DPH6: variants seen among roughly 807,000 people sequenced by gnomAD.
DPH6 encodes the protein diphthine--ammonia ligase.
A neutral mutation model predicts 38.2 loss-of-function variants in DPH6; 33 were observed. The observed-to-expected ratio is 0.86, with a 90% CI of 0.65 to 1.15. The LOEUF is 1.15. DPH6 is among the 50% of genes most tolerant of loss of function. The pLI is 0.00. For missense variants in DPH6, 325 were observed against 320.0 expected (o/e 1.02, Z -0.12); for synonymous variants, 108 against 103.0 (o/e 1.05, Z -0.30).
chr15:35,149,065 C>T, the DPH6 span, among the ~76,000 whole-genome samples: 1 of 152,088 alleles, frequency 6.6e-6, no homozygotes, highest in Non-Finnish European at 1.5e-5. Context: ...TCTAACATCT[C>T]CATCCCCCTT....
chr15:35,313,034 C>T (rs1029473485), intron 3 of DPH6, among the ~76,000 whole-genome samples: 19 of 151,966 alleles, frequency 1.3e-4, no homozygotes, highest in African/African-American at 4.6e-4. Flanking sequence ...TTGAGATCAG[C>T]CTGGACAACA....
rs150905864 is a variant in DPH6, at chr15:35,378,862, A to T, written c.662+2960T>A. On this transcript the variant is annotated intron_variant, in intron 7 of 8. Transcript: ENST00000256538. ...TGGGGGAAGCATAACATTAGGAGAA[A>T]TACCTAATGTAGGTTATGGGTTGAT... Among the ~76,000 whole-genome samples, 446 of 152,200 alleles carry T rather than the reference A, an allele frequency of 2.9e-3. 1 individual carries two copies. The highest frequency in any genetic ancestry group is 9.9e-3 in the African/African-American group (410 of 41,512).
intron 5 of DPH6, among the ~76,000 whole-genome samples, chr15:35,424,321 T>C (rs1368740146): frequency 2.6e-5 from 4 of 151,676 alleles, no homozygotes; most frequent in Admixed American, 2.0e-4. Flanking sequence ...CTTGTCGCTA[T>C]TGTGAATGTG....
At chr15:35,328,547 G>A (rs376573580), downstream of DPH6, among the ~76,000 whole-genome samples, 10 of 152,062 alleles carry the variant, frequency 6.6e-5, no homozygotes, top group Non-Finnish European at 1.5e-5. Context: ...ACTGGATATG[G>A]CTGACCAAAA....
chr15:35,355,672 T>C (rs1337094466), intron 3 of DPH6, among the ~76,000 whole-genome samples: 2 of 152,270 alleles, frequency 1.3e-5, no homozygotes, highest in East Asian at 3.9e-4. Flanking sequence ...CTGATGCACT[T>C]CCCCTTGTGG....
At chr15:35,521,984 G>A (rs931399329) in intron 3 of DPH6, 51 of 1,466,218 alleles carry the variant, frequency 3.5e-5, no homozygotes, top group Non-Finnish European at 2.5e-5. Flanking sequence ...AAACTAAGCC[G>A]TCAACTACCA....
chr15:35,194,260 C>T, the DPH6 span, among the ~76,000 whole-genome samples: 2 of 151,894 alleles, frequency 1.3e-5, no homozygotes, highest in African/African-American at 4.8e-5. Flanking sequence ...TTCCTGACAT[C>T]GGTGCTTTAA....
intron 3 of DPH6, among the ~76,000 whole-genome samples, chr15:35,347,028 T>G (rs888140539): frequency 6.6e-6 from 1 of 152,134 alleles, no homozygotes; most frequent in African/African-American, 2.4e-5. Context: ...ATTTACAATC[T>G]TGAGTATTTT....
downstream of DPH6, among the ~76,000 whole-genome samples, chr15:35,327,834 C>T (rs187486612): frequency 1.7e-3 from 254 of 152,222 alleles, 1 homozygote; most frequent in African/African-American, 5.7e-3. Context: ...TTTTGAGTAA[C>T]TTTAGAGTGA....
chr15:35,442,642 T>C (rs1208799276), intron 5 of DPH6, among the ~76,000 whole-genome samples: 2 of 152,198 alleles, frequency 1.3e-5, no homozygotes, highest in Non-Finnish European at 2.9e-5. Flanking sequence ...CATGGACTGA[T>C]GAATGGCTAA....
chr15:35,195,125 A>C, the DPH6 span, among the ~76,000 whole-genome samples: 7 of 152,112 alleles, frequency 4.6e-5, no homozygotes, highest in Non-Finnish European at 1.0e-4. Context: ...ATCCTCAGGG[A>C]ATCCATTTTT....
Position 35,258,246 on chromosome 15 carries a change from T to C in DPH6, n.201-37664A>G, listed in dbSNP as rs553509356. ...TGTGAGAGGTAGGATTGGGGTCATA[T>C]TACAGCACAAGGAATAGCCTAGAAC... is the stretch of plus-strand genomic sequence containing the variant. On this transcript the variant is annotated intron_variant and non_coding_transcript_variant, in intron 3 of 3. Transcript: ENST00000560386. 7.9e-5 allele frequency among the ~76,000 whole-genome samples: 12 copies of C among 152,288 alleles called. No homozygotes were observed. In the South Asian group the frequency reaches 2.5e-3, roughly 32 times the overall value.
At chr15:35,522,112 A>G (rs779188443) in intron 3 of DPH6, 12 of 1,612,814 alleles carry the variant, frequency 7.4e-6, no homozygotes, top group Admixed American at 3.3e-5. Flanking sequence ...ACATTTTGCA[A>G]TCTCACTGAT....
chr15:35,361,345 C>T (rs2052612383), intron 3 of DPH6, among the ~76,000 whole-genome samples: 1 of 152,156 alleles, frequency 6.6e-6, no homozygotes, highest in South Asian at 2.1e-4. Context: ...CCTCATTTTC[C>T]ACCATCTTGC....
At chr15:35,303,459 A>C (rs1715811606) in intron 3 of DPH6, among the ~76,000 whole-genome samples, 1 of 151,972 alleles carries the variant, frequency 6.6e-6, no homozygotes, top group Non-Finnish European at 1.5e-5. Flanking sequence ...GTAATTAGGA[A>C]ACCAAGATTC....
intron 5 of DPH6, among the ~76,000 whole-genome samples, chr15:35,436,701 G>GT (rs552139967): frequency 3.0e-4 from 45 of 149,628 alleles, no homozygotes; most frequent in African/African-American, 8.3e-4. Flanking sequence ...TTGCATTTAA[G>GT]TTTTTTTTGT....
chr15:35,454,921 C>T, intron 3 of DPH6, 101 bp from the exon 4 acceptor site: 1 of 816,586 alleles, frequency 1.2e-6, no homozygotes. Context: ...ATCTAGAAAA[C>T]TACCTCAAAC....
chr15:35,442,574 C>G (rs2053801912), intron 5 of DPH6, among the ~76,000 whole-genome samples: 1 of 152,008 alleles, frequency 6.6e-6, no homozygotes, highest in African/African-American at 2.4e-5. Flanking sequence ...AACTTGTACA[C>G]AAATGTTCAT....
the DPH6 span, among the ~76,000 whole-genome samples, chr15:35,210,946 CTTTTTTTTTTTTTTTT>C: frequency 1.7e-3 from 103 of 61,586 alleles, 3 homozygotes; most frequent in Admixed American, 0.011. Context: ...AGATAGATCA[CTTTTTTTTTTTTTTTT>C]TTTTTTTTTT....
Sources: gnomAD v4.1 joint callset for allele counts (sites outside exome capture counted in the v4.1 genomes callset) on GRCh38, gnomAD v4.1.1 for gene constraint, MANE v1.5 for transcripts, NCBI Gene and HGNC (gene_info 2026-07-23, HGNC 2026-07-21) for gene names.